LDLRAD3: variants seen among roughly 807,000 people sequenced by gnomAD.
LDLRAD3 encodes the protein low-density lipoprotein receptor class A domain-containing protein 3.
LDLRAD3 carries 20 observed loss-of-function variants against 29.4 expected under a neutral mutation model. That is an observed-to-expected ratio of 0.68 (90% confidence interval 0.48 to 0.99). The LOEUF is 0.99. Among genes scored for constraint, LDLRAD3 ranks in the 50% least tolerant of loss-of-function variants. The pLI is 0.00. For synonymous variants in LDLRAD3, 157 were observed against 192.7 expected, an observed-to-expected ratio of 0.81 and a Z score of 1.53; for missense variants, 420 against 454.3, an observed-to-expected ratio of 0.92 and a Z score of 0.69.
Position 36,148,367 on chromosome 11 carries a change from G to C in LDLRAD3, c.454+49906G>C, listed in dbSNP as rs189256191. On this transcript the variant is annotated intron_variant, in intron 4 of 5. Coordinates refer to ENST00000315571, the MANE Select transcript of LDLRAD3 (RefSeq NM_174902.4). ...CTGCGAGTGCTCAGATGACTATCTC[G>C]ATACACTCAGGGTGTATTTTCTGGG... 1.3e-5 allele frequency among the ~76,000 whole-genome samples: 2 copies of C among 152,084 alleles called. 1 individual carries two copies. The highest frequency in any genetic ancestry group is 4.8e-5 in the African/African-American group (2 of 41,412).
At chr11:36,208,804 T>C (rs1437081625) in intron 4 of LDLRAD3, among the ~76,000 whole-genome samples, 1 of 152,202 alleles carries the variant, frequency 6.6e-6, no homozygotes, top group Non-Finnish European at 1.5e-5. Context: ...ACAGTAATAT[T>C]TGCTGCAGGC....
At chr11:35,961,085 G>A (rs546508960) in intron 1 of LDLRAD3, among the ~76,000 whole-genome samples, 4 of 152,320 alleles carry the variant, frequency 2.6e-5, no homozygotes, top group East Asian at 1.9e-4. Flanking sequence ...GCTCTGGACC[G>A]TAGGACTGGG....
At chr11:36,171,661 A>T (rs903325017) in intron 4 of LDLRAD3, among the ~76,000 whole-genome samples, 1 of 152,150 alleles carries the variant, frequency 6.6e-6, no homozygotes, top group African/African-American at 2.4e-5. Context: ...TGGGTTCCCT[A>T]TTCTGTTCCA....
chr11:36,077,452 C>T (rs964661731), intron 2 of LDLRAD3, among the ~76,000 whole-genome samples: 5 of 152,174 alleles, frequency 3.3e-5, no homozygotes, highest in Non-Finnish European at 5.9e-5. Flanking sequence ...TGGCAGGCTG[C>T]GTTCGGCTCC....
chr11:36,225,976 G>C (rs151044558), intron 4 of LDLRAD3, among the ~76,000 whole-genome samples: 1,994 of 152,240 alleles, frequency 0.013, 50 homozygotes, highest in African/African-American at 0.046. Flanking sequence ...GCTGAGGTGA[G>C]AGAATTGCTT....
intron 2 of LDLRAD3, among the ~76,000 whole-genome samples, chr11:36,070,450 G>A (rs928951826): frequency 6.6e-5 from 10 of 152,186 alleles, no homozygotes; most frequent in African/African-American, 2.2e-4. Flanking sequence ...GAGGCCAGTT[G>A]TTTCCTTGTG....
intron 4 of LDLRAD3, among the ~76,000 whole-genome samples, chr11:36,126,498 A>G (rs79665133): frequency 0.022 from 3,405 of 152,206 alleles, 124 homozygotes; most frequent in African/African-American, 0.078. Flanking sequence ...TGCAGGGAAG[A>G]GGTTGAGGAT....
intron 1 of LDLRAD3, among the ~76,000 whole-genome samples, chr11:35,987,979 A>T (rs1851635830): frequency 6.6e-6 from 1 of 152,194 alleles, no homozygotes; most frequent in African/African-American, 2.4e-5. Flanking sequence ...ATGAGATAGT[A>T]TCTCATTATG....
chr11:36,100,981 C>T (rs1261825986), intron 4 of LDLRAD3, among the ~76,000 whole-genome samples: 4 of 152,186 alleles, frequency 2.6e-5, no homozygotes, highest in African/African-American at 7.2e-5. Context: ...TGCTTTTTCT[C>T]TCTCACCATA....
intron 4 of LDLRAD3, among the ~76,000 whole-genome samples, chr11:36,144,789 C>T (rs1854149883): frequency 7.4e-6 from 1 of 135,756 alleles, no homozygotes; most frequent in African/African-American, 3.0e-5. Flanking sequence ...CCAGCCGCCC[C>T]GTCCGGGAGG....
chr11:36,028,270 A>G (rs1852192432), intron 1 of LDLRAD3, among the ~76,000 whole-genome samples: 1 of 152,198 alleles, frequency 6.6e-6, no homozygotes, highest in Non-Finnish European at 1.5e-5. Flanking sequence ...TGCAGTCAAT[A>G]GGCATTTGTG....
intron 1 of LDLRAD3, among the ~76,000 whole-genome samples, chr11:35,946,203 C>A (rs1851054639): frequency 6.6e-6 from 1 of 152,210 alleles, no homozygotes; most frequent in Non-Finnish European, 1.5e-5. Flanking sequence ...GGTTTCATAG[C>A]CAGACCAGAG....
intron 2 of LDLRAD3, among the ~76,000 whole-genome samples, chr11:36,037,848 G>C (rs1295151357): frequency 1.3e-5 from 2 of 152,160 alleles, no homozygotes; most frequent in Non-Finnish European, 2.9e-5. Flanking sequence ...ATTTCATACT[G>C]CTTGTTGCAT....
chr11:36,151,818 TA>T (rs1854282216), intron 4 of LDLRAD3, among the ~76,000 whole-genome samples: 1 of 152,056 alleles, frequency 6.6e-6, no homozygotes, highest in African/African-American at 2.4e-5. Context: ...GGAAGGAAAA[TA>T]AACAGTTCCT....
intron 3 of LDLRAD3, among the ~76,000 whole-genome samples, chr11:36,088,768 T>A (rs1385187885): frequency 1.3e-5 from 2 of 152,226 alleles, no homozygotes; most frequent in East Asian, 3.8e-4. Flanking sequence ...TTAAAGACTC[T>A]CACATGACTG....
At chr11:36,017,534 T>C (rs867021114) in intron 1 of LDLRAD3, among the ~76,000 whole-genome samples, 1 of 84,880 alleles carries the variant, frequency 1.2e-5, no homozygotes, top group African/African-American at 3.6e-5. Flanking sequence ...TATTTTATCA[T>C]CTTTTTTTTT....
At chr11:35,993,382 T>C (rs944305327) in intron 1 of LDLRAD3, among the ~76,000 whole-genome samples, 11 of 152,216 alleles carry the variant, frequency 7.2e-5, no homozygotes, top group Non-Finnish European at 1.6e-4. Context: ...TGCATTGCCC[T>C]GGCTGAGCGA....
intron 1 of LDLRAD3, among the ~76,000 whole-genome samples, chr11:35,971,155 C>T (rs567856749): frequency 6.6e-6 from 1 of 152,272 alleles, no homozygotes; most frequent in East Asian, 1.9e-4. Context: ...TGCCTGTACC[C>T]TTACCCCCAT....
intron 1 of LDLRAD3, among the ~76,000 whole-genome samples, chr11:35,995,177 A>C (rs1290412670): frequency 6.6e-6 from 1 of 152,250 alleles, no homozygotes; most frequent in Non-Finnish European, 1.5e-5. Flanking sequence ...TGGCAGATAT[A>C]GCCTTAAAAA....
Sources: allele counts gnomAD v4.1 joint callset (sites outside exome capture counted in the v4.1 genomes callset), GRCh38; gene constraint gnomAD v4.1.1; transcripts MANE v1.5; gene names NCBI Gene and HGNC (gene_info 2026-07-23, HGNC 2026-07-21).